The following LRRC41 variants were observed in gnomAD, a reference collection of about 807,000 sequenced individuals.
LRRC41 encodes leucine-rich repeat-containing protein 41.
In LRRC41, 17 loss-of-function variants were observed where a neutral mutation model predicts 72.1. The observed-to-expected ratio is 0.24, with a 90% confidence interval of 0.16 to 0.35. The LOEUF is 0.35. Among genes scored for constraint, LRRC41 ranks in the 10% least tolerant of loss-of-function variants. LRRC41 has a pLI of 1.00. For synonymous variants in LRRC41, 427 were observed against 431.0 expected, an observed-to-expected ratio of 0.99 and a Z score of 0.11; for missense variants, 759 against 1,065.0, an observed-to-expected ratio of 0.71 and a Z score of 4.00.
chr1:46,285,096 T>A lies in LRRC41; in HGVS notation c.1495+266A>T. ...ACCTGCCCTTGGACTGCCTTCCATA[T>A]CTAAAATGTATTCATTCTTCAGATT... On this transcript the variant is annotated intron_variant, in intron 4 of 9. Transcript: ENST00000617190. The surrounding 1 kb of genome is among the most constrained non-coding windows in gnomAD (Gnocchi z 5.3). 2.0e-6 allele frequency: 1 copy of A among 508,866 alleles called. No homozygotes were observed. The highest frequency in any genetic ancestry group is 3.5e-5 in the East Asian group (1 of 28,816). The allele number at this position is 508,866 out of a possible 1,614,324, so 31.5% of individuals were successfully genotyped here. A position where few individuals can be genotyped will look rare whatever the true frequency, so the allele number is the denominator to read the frequency against.
At chr1:46,290,615 CTT>C (rs549146330) in intron 3 of LRRC41, among the ~76,000 whole-genome samples, 10 of 138,822 alleles carry the variant, frequency 7.2e-5, no homozygotes, top group South Asian at 2.3e-4. Flanking sequence ...TTGTTTCTAG[CTT>C]TTTTTTTTTT....
chr1:46,285,895 C>G lies in LRRC41; in HGVS notation c.962G>C (p.Arg321Pro), dbSNP rs377504274. ...KQMPRAAPAT[R>P]VTRRSTQESL... ...CTCCTGTGTGCTCCGGCGTGTTACC[C>G]GAGTGGCAGGTGCAGCTCTGGGCAT... Residue 321 changes from arginine to proline, a missense_variant, in exon 4 of 10, where the codon CGG (arginine) becomes CCG (proline). Physicochemically the swap from Arg to Pro is moderately radical, Grantham distance 103. Transcript: ENST00000617190. This position sits in a 1 kb window ranked among gnomAD's most constrained non-coding sequence, Gnocchi z 5.3. 6.4e-7 allele frequency: 1 copy of G among 1,552,424 alleles called. No homozygotes were observed. Among genetic ancestry groups the G allele is most frequent in the Non-Finnish European group, 8.7e-7 (1 of 1,152,104 alleles).
intron 3 of LRRC41, among the ~76,000 whole-genome samples, chr1:46,290,783 A>G (rs1660994611): frequency 6.6e-6 from 1 of 151,806 alleles, no homozygotes; most frequent in Non-Finnish European, 1.5e-5. Context: ...ATTTTTTGGT[A>G]TTTTTTAGTA....
chr1:46,278,898 G>A lies in LRRC41; in HGVS notation c.2406C>T (p.Ser802=). Residue 802 remains serine (S), a synonymous_variant, in exon 10 of 10, where the codon TCC becomes TCT. Coordinates refer to ENST00000617190, the MANE Select transcript of LRRC41 (RefSeq NM_006369.5). ...CHVVSDSWDS[S]QAFADYVSTM Reference sequence around the variant, plus strand: ...TGCTAACATAATCTGCGAAGGCCTGGGATGAGTCCCATGAGTCGCTAACCA... The same window carrying A: ...TGCTAACATAATCTGCGAAGGCCTGAGATGAGTCCCATGAGTCGCTAACCA... 6.2e-7 allele frequency: 1 copy of A among 1,612,832 alleles called. No homozygotes were observed.
chr1:46,293,333 A>G (rs963800486), intron 3 of LRRC41, among the ~76,000 whole-genome samples: 1 of 151,824 alleles, frequency 6.6e-6, no homozygotes, highest in African/African-American at 2.4e-5. Flanking sequence ...TTGACCCCTG[A>G]CGCTCAATTG....
intron 3 of LRRC41, among the ~76,000 whole-genome samples, chr1:46,294,503 T>C (rs949664368): frequency 4.6e-5 from 7 of 152,080 alleles, no homozygotes; most frequent in African/African-American, 1.7e-4. Flanking sequence ...GCTCAAGCTA[T>C]TCCTCTCACT....
At position 46,277,678 on chromosome 1, in the gene LRRC41, A is replaced by AATG. The variant is rs1300804122; in HGVS notation, c.*1184_*1186dup. The AATG allele has an allele frequency of 5.2e-6, 5 of 970,708 alleles. No homozygotes were observed. Among genetic ancestry groups the AATG allele is most frequent in the Non-Finnish European group, 8.0e-6 (5 of 628,030 alleles). The allele number at this position is 970,708 out of a possible 1,614,324, so 60.1% of individuals were successfully genotyped here. ...AAATGGACCTCAGCTGAGTAGAGATAATGTTCTGGGACTCATACTTTTTAT... is the reference window on the plus strand; with the variant it reads ...AAATGGACCTCAGCTGAGTAGAGATAATGATGTTCTGGGACTCATACTTTTTAT... On this transcript the variant is annotated 3_prime_UTR_variant, in exon 10 of 10. Transcript: ENST00000617190.
At position 46,285,591 on chromosome 1, in the gene LRRC41, G is replaced by A. The variant is rs140487901; in HGVS notation, c.1266C>T (p.Gly422=). ...CCATCTCTTCGCCATCCTCCTTCTC[G>A]CCAGCCACAATAAAAACGAAGTCAT... ...DLYDFVFIVA[G]EKEDGEEMEI... is the part of the protein sequence containing the mutation. Residue 422 remains glycine, a synonymous_variant, in exon 4 of 10, where the codon GGC becomes GGT. Transcript: ENST00000617190. The surrounding 1 kb of genome is among the most constrained non-coding windows in gnomAD (Gnocchi z 5.3). 20 of 1,613,406 alleles carry A rather than the reference G, an allele frequency of 1.2e-5. No individual in the cohort carries two copies. The highest frequency in any genetic ancestry group is 1.0e-4 in the Admixed American group (6 of 59,954).
intron 3 of LRRC41, among the ~76,000 whole-genome samples, chr1:46,292,899 C>T (rs1661046312): frequency 6.6e-6 from 1 of 152,096 alleles, no homozygotes; most frequent in East Asian, 1.9e-4. Context: ...ATAATTAGCA[C>T]TCTCGGCTGG....
At chr1:46,295,955 C>CT (rs34782546) in intron 3 of LRRC41, among the ~76,000 whole-genome samples, 2,226 of 152,256 alleles carry the variant, frequency 0.015, 46 homozygotes, top group African/African-American at 0.049. Flanking sequence ...CTGACATTAG[C>CT]TTTTTTTCCA....
rs1165122627 is a variant in LRRC41, at chr1:46,286,333, C to T, written c.524G>A (p.Gly175Asp). 1.2e-6 allele frequency: 2 copies of T among 1,614,218 alleles called. No homozygotes were observed. The highest frequency in any genetic ancestry group is 2.2e-5 in the South Asian group (2 of 91,088). The change falls in exon 4 of 10, where the codon GGT becomes GAT. Residue 175 changes from glycine (G) to aspartate (D), a missense_variant. Physicochemically the swap from Gly to Asp is moderately conservative, Grantham distance 94. Coordinates refer to ENST00000617190, the MANE Select transcript of LRRC41 (RefSeq NM_006369.5). This position sits in a 1 kb window ranked among gnomAD's most constrained non-coding sequence, Gnocchi z 5.5. ...GGGCTCAGCCACCAGCTCGGTTGCA[C>T]CCTGCAGCATGTTACAGATGGTGAG... is the stretch of plus-strand genomic sequence containing the variant. ...RQLTICNMLQ[G>D]ATELVAEPNR...
At position 46,303,359 on chromosome 1, in the gene LRRC41, G is replaced by C; in HGVS notation, c.-37C>G. ...GCGCGAGCCCGAGAGTGTCGCCCGC[G>C]GACCGCCATCTTGAAAAGGTCAGCA... is the stretch of plus-strand genomic sequence containing the variant. On this transcript the variant is annotated 5_prime_UTR_variant, in exon 1 of 10. Coordinates refer to ENST00000617190, the MANE Select transcript of LRRC41 (RefSeq NM_006369.5). The C allele has an allele frequency of 1.4e-6, 2 of 1,466,812 alleles. No individual in the cohort carries two copies. Among genetic ancestry groups the C allele is most frequent in the South Asian group, 1.3e-5 (1 of 75,740 alleles). The allele number at this position is 1,466,812 out of a possible 1,614,324, so 90.9% of individuals were successfully genotyped here.
At chr1:46,300,883 T>A (rs575539596) in intron 1 of LRRC41, 1 of 152,190 alleles carries the variant, frequency 6.6e-6, no homozygotes, top group Non-Finnish European at 1.5e-5. Context: ...TCCTTGGCTA[T>A]TCTCCTAAAA....
intron 1 of LRRC41, 121 bp downstream of exon 1, chr1:46,303,003 T>C: frequency 7.6e-7 from 1 of 1,313,150 alleles, no homozygotes; most frequent in East Asian, 3.1e-5. Context: ...TCCTACGAGC[T>C]GGCTTTCAGC....
chr1:46,285,812 G>C lies in LRRC41; in HGVS notation c.1045C>G (p.His349Asp), dbSNP rs1037979381. ...KRELHPPATS[H>D]EAPGTKRSPS... ...GACCGCTTGGTGCCAGGAGCCTCATGGGAGGTGGCTGGGGGGTGCAGCTCC... is the reference window on the plus strand; with the variant it reads ...GACCGCTTGGTGCCAGGAGCCTCATCGGAGGTGGCTGGGGGGTGCAGCTCC... The change falls in exon 4 of 10, where the codon CAT (histidine) becomes GAT (aspartate). Residue 349 changes from histidine (H) to aspartate (D), a missense_variant. Transcript: ENST00000617190. The surrounding 1 kb of genome is among the most constrained non-coding windows in gnomAD (Gnocchi z 5.3). The C allele has an allele frequency of 3.1e-6, 5 of 1,595,816 alleles. No homozygotes were observed. Among genetic ancestry groups the C allele is most frequent in the East Asian group, 2.2e-5 (1 of 44,778 alleles).
chr1:46,278,799 G>C lies in LRRC41; in HGVS notation c.*66C>G. ...ATAGAACTGGTGGTTGGGGTTCTGG[G>C]CAGCCCATGCTTCAGCCCCTGCAAG... On this transcript the variant is annotated 3_prime_UTR_variant, in exon 10 of 10. Transcript: ENST00000617190. 2 of 1,461,420 alleles carry C rather than the reference G, an allele frequency of 1.4e-6. No individual in the cohort carries two copies. The highest frequency in any genetic ancestry group is 1.9e-6 in the Non-Finnish European group (2 of 1,056,834). 90.5% of individuals were successfully genotyped at this position (1,461,420 alleles called of 1,614,324 possible).
chr1:46,280,487 C>T lies in LRRC41; in HGVS notation c.1830G>A (p.Leu610=). ...GCTGCTGCAGAGAACCCGAGGCCTT[C>T]AGAACGGAGCACAGCAGTGGGGCTG... ...AQPAPLLCSV[L]KASGSLQQLS... The change falls in exon 6 of 10, where the codon CTG becomes CTA. Residue 610 remains leucine, a synonymous_variant. Transcript: ENST00000617190. The T allele has an allele frequency of 1.2e-6, 2 of 1,614,204 alleles. No homozygotes were observed. The highest frequency in any genetic ancestry group is 1.7e-6 in the Non-Finnish European group (2 of 1,180,028).
At position 46,303,470 on chromosome 1, in the gene LRRC41, CT is replaced by C; in HGVS notation, c.-149del. The C allele has an allele frequency of 2.5e-6, 2 of 814,060 alleles. No homozygotes were observed. The highest frequency in any genetic ancestry group is 3.7e-6 in the Non-Finnish European group (2 of 534,924). 50.4% of individuals were successfully genotyped at this position (814,060 alleles called of 1,614,324 possible). ...AGAAATTAGCACACTTTCCAAGTCTCTTAGGAGCTACTATTTTAGATAAACT... is the reference window on the plus strand; with the variant it reads ...AGAAATTAGCACACTTTCCAAGTCTCTAGGAGCTACTATTTTAGATAAACT... On this transcript the variant is annotated 5_prime_UTR_variant, in exon 1 of 10. Transcript: ENST00000617190.
Position 46,278,176 on chromosome 1 carries a change from G to A in LRRC41, c.*689C>T, listed in dbSNP as rs773031247. 1 of 1,613,764 alleles carries A rather than the reference G, an allele frequency of 6.2e-7. No individual in the cohort carries two copies. The highest frequency in any genetic ancestry group is 8.5e-7 in the Non-Finnish European group (1 of 1,179,890). The stretch of plus-strand genomic sequence containing the variant: ...GGGTGGAACCACTGCACTGATAAGT[G>A]GGGGCTCCGGGATGAGGTACTCCAG... On this transcript the variant is annotated 3_prime_UTR_variant, in exon 10 of 10. Coordinates refer to ENST00000617190, the MANE Select transcript of LRRC41 (RefSeq NM_006369.5).
Sources: allele counts gnomAD v4.1 joint callset (sites outside exome capture counted in the v4.1 genomes callset), GRCh38; gene constraint gnomAD v4.1.1; non-coding constraint Gnocchi (gnomAD v3.1); transcripts MANE v1.5; gene names NCBI Gene and HGNC (gene_info 2026-07-23, HGNC 2026-07-21).